Variants in BCORL1 observed in about 807,000 individuals in gnomAD.
BCORL1 encodes BCL-6 corepressor-like protein 1.
In BCORL1, 7 loss-of-function variants were observed where a neutral mutation model predicts 87.6. That is an observed-to-expected ratio of 0.08 (90% CI 0.05 to 0.15). BCORL1 has a LOEUF of 0.15. Among genes scored for constraint, BCORL1 ranks in the 10% least tolerant of loss-of-function variants. The pLI, the probability that BCORL1 is intolerant of heterozygous loss-of-function variation, is 1.00. For missense variants in BCORL1, 1,215 were observed against 1,499.7 expected, an observed-to-expected ratio of 0.81 and a Z score of 3.13; for synonymous variants, 591 against 634.4, an observed-to-expected ratio of 0.93 and a Z score of 1.03.
At chrX:130,021,269 A>T in intron 5 of BCORL1, 119 bp downstream of exon 5, 1 of 1,078,222 alleles carries the variant, frequency 9.3e-7, no homozygotes, top group East Asian at 3.9e-5. Flanking sequence ...AGACTTCTTC[A>T]CTGTGGAAAG....
At chrX:130,000,633 T>C (rs1393389472) in intron 1 of BCORL1, among the ~76,000 whole-genome samples, 5 of 111,816 alleles carry the variant, frequency 4.5e-5, no homozygotes, top group Non-Finnish European at 9.4e-5. Flanking sequence ...AAAGCACAAA[T>C]TTATATGGAG....
intron 1 of BCORL1, among the ~76,000 whole-genome samples, chrX:129,996,898 C>CCTTTTT (rs1927606905): frequency 9.0e-6 from 1 of 111,702 alleles, no homozygotes; most frequent in East Asian, 2.8e-4. Flanking sequence ...GGGTTATGGA[C>CCTTTTT]ATGAGCCCAT....
intron 1 of BCORL1, among the ~76,000 whole-genome samples, chrX:129,985,821 C>G (rs990121547): frequency 6.3e-5 from 7 of 110,822 alleles, no homozygotes; most frequent in Non-Finnish European, 1.3e-4. Flanking sequence ...GATCCTGATA[C>G]CAGCTTTGCA....
chrX:130,005,619 T>A (rs1364261238), intron 2 of BCORL1, among the ~76,000 whole-genome samples: 2 of 110,218 alleles, frequency 1.8e-5, no homozygotes, highest in Non-Finnish European at 3.8e-5. Flanking sequence ...AATGGCAATT[T>A]TTTTTTTGTT....
intron 8 of BCORL1, among the ~76,000 whole-genome samples, chrX:130,033,890 G>T (rs757600280): frequency 9.0e-6 from 1 of 110,828 alleles, no homozygotes; most frequent in South Asian, 3.9e-4. Flanking sequence ...GCTGAGGGAG[G>T]AGAATCCCTT....
intron 11 of BCORL1, among the ~76,000 whole-genome samples, chrX:130,044,704 TCA>T (rs1284514860): frequency 9.0e-6 from 1 of 110,740 alleles, no homozygotes; most frequent in African/African-American, 3.3e-5. Context: ...AGATGGGGTT[TCA>T]CAGTGTTGGT....
chrX:130,051,794 C>A, intron 12 of BCORL1, 66 bp from the exon 13 acceptor site: 1 of 1,035,598 alleles, frequency 9.7e-7, no homozygotes, highest in Non-Finnish European at 1.3e-6. Context: ...ATCTGCTTAG[C>A]GCATTTCTTT....
intron 9 of BCORL1, among the ~76,000 whole-genome samples, chrX:130,036,998 T>C (rs1316072762): frequency 2.7e-5 from 3 of 111,585 alleles, no homozygotes; most frequent in Admixed American, 1.9e-4. Context: ...ATACGAAAAT[T>C]AGCCAGGCGT....
intron 1 of BCORL1, among the ~76,000 whole-genome samples, chrX:130,000,796 G>A (rs1330002520): frequency 1.8e-5 from 2 of 112,120 alleles, no homozygotes; most frequent in Non-Finnish European, 3.8e-5. Context: ...AATAACCTGA[G>A]CTAAAATCAG....
chrX:129,983,274 C>CT (rs1183295326), intron 1 of BCORL1, among the ~76,000 whole-genome samples: 17 of 108,711 alleles, frequency 1.6e-4, no homozygotes, highest in African/African-American at 5.7e-4. Flanking sequence ...TCGGTTGATC[C>CT]TGGGGGGGAA....
chrX:129,986,805 C>T (rs1007511075), intron 1 of BCORL1, among the ~76,000 whole-genome samples: 6 of 109,705 alleles, frequency 5.5e-5, no homozygotes, highest in African/African-American at 1.0e-4. Flanking sequence ...GGCAACAGAG[C>T]GAGAGTCCAT....
intron 8 of BCORL1, among the ~76,000 whole-genome samples, chrX:130,033,591 G>A (rs1326797234): frequency 8.9e-6 from 1 of 112,257 alleles, no homozygotes; most frequent in Non-Finnish European, 1.9e-5. Flanking sequence ...AGTATGATAT[G>A]GGGACACAGT....
rs1218792665 is a variant in BCORL1 at position 130,013,179 on chromosome X, G to A, written c.407G>A (p.Arg136Lys). The change falls in exon 4 of 14, where the codon AGG becomes AAG. Residue 136 changes from arginine (R) to lysine (K), a missense_variant. Around this residue, in one of 5 missense-constraint regions of BCORL1, gnomAD observed 861 missense variants for 1,010.0 expected, o/e 0.85. Coordinates refer to ENST00000540052, the MANE Select transcript of BCORL1 (RefSeq NM_001379451.1). ...GACAGCGCCGAGGCCAGCAACAGCAGGGCCGACTGCTCCTGGACTCCACTC... is the reference window on the plus strand; with the variant it reads ...GACAGCGCCGAGGCCAGCAACAGCAAGGCCGACTGCTCCTGGACTCCACTC... ...ASDSAEASNS[R>K]ADCSWTPLNT... The A allele has an allele frequency of 1.2e-5, 14 of 1,210,658 alleles. No individual in the cohort carries two copies. Among genetic ancestry groups the A allele is most frequent in the Non-Finnish European group, 1.6e-5 (14 of 895,311 alleles).
At chrX:129,989,788 C>CT (rs367764961) in intron 1 of BCORL1, among the ~76,000 whole-genome samples, 4,428 of 98,729 alleles carry the variant, frequency 0.045, 286 homozygotes, top group African/African-American at 0.15. Flanking sequence ...CTCTTTGTTT[C>CT]TTTTTTTTTT....
chrX:130,025,414 C>T lies in BCORL1; in HGVS notation c.4078+35C>T, dbSNP rs746142097. 3.6e-6 allele frequency: 4 copies of T among 1,117,567 alleles called. 1 individual carries two copies. The highest frequency in any genetic ancestry group is 4.5e-5 in the South Asian group (2 of 44,670). The allele number at this position is 1,117,567 out of a possible 1,213,427, so 92.1% of individuals were successfully genotyped here. On this transcript the variant is annotated intron_variant, in intron 7 of 13. Coordinates refer to ENST00000540052, the MANE Select transcript of BCORL1 (RefSeq NM_001379451.1). ...GCCAGGGGCTCTGCTGTCGCCGCGG[C>T]CCGTTTGGCTTCTGGGAACCCTCGG... is the stretch of plus-strand genomic sequence containing the variant.
chrX:130,031,844 G>A (rs1168928195), intron 8 of BCORL1, among the ~76,000 whole-genome samples: 1 of 111,862 alleles, frequency 8.9e-6, no homozygotes, highest in African/African-American at 3.3e-5. Context: ...GTTAAGTGCT[G>A]TAAGGAACAG....
chrX:130,004,529 G>A (rs1183361587), intron 1 of BCORL1, among the ~76,000 whole-genome samples: 1 of 111,957 alleles, frequency 8.9e-6, no homozygotes, highest in Non-Finnish European at 1.9e-5. Context: ...ACAGGCGTGA[G>A]CCACCGCGCC....
At chrX:130,034,733 G>A (rs768208269) in intron 9 of BCORL1, 57 bp downstream of exon 9, 1 of 852,275 alleles carries the variant, frequency 1.2e-6, no homozygotes, top group South Asian at 2.1e-5. Context: ...CTATGAAGAA[G>A]CTTTTCTCCA....
chrX:129,983,429 G>C (rs767314069), intron 1 of BCORL1, among the ~76,000 whole-genome samples: 85 of 97,861 alleles, frequency 8.7e-4, no homozygotes, highest in Non-Finnish European at 1.7e-3. Context: ...TTTTTTTTGG[G>C]GGGGGGGGGT....
Sources: gnomAD v4.1 joint callset for allele counts (sites outside exome capture counted in the v4.1 genomes callset) on GRCh38, gnomAD v4.1.1 for gene constraint, gnomAD v4.1.1 regional missense constraint, MANE v1.5 for transcripts, NCBI Gene and HGNC (gene_info 2026-07-23, HGNC 2026-07-21) for gene names.